Variants in TSPAN10 observed in about 807,000 individuals in gnomAD.
The protein encoded by TSPAN10 is tetraspanin-10.
A neutral mutation model predicts 15.0 loss-of-function variants in TSPAN10; 11 were observed. The ratio of observed to expected loss-of-function variants is 0.73; its 90% CI spans 0.46 to 1.21. TSPAN10 has a LOEUF of 1.21. Ranked by LOEUF, TSPAN10 falls within the 50% of genes most tolerant of loss-of-function variation. The pLI is 0.00. For missense variants in TSPAN10, 486 were observed against 470.6 expected (o/e 1.03, Z -0.30); for synonymous variants, 241 against 226.2 (o/e 1.07, Z -0.59).
chr17:81,645,544 C>A, exon 2 of TSPAN10: 1 of 1,607,736 alleles, frequency 6.2e-7, no homozygotes, highest in Non-Finnish European at 8.5e-7. Context: ...CCAGGACGAC[C>A]CAGACCTGCG....
intron 2 of TSPAN10, 143 bp from the exon 4 acceptor site, chr17:81,647,758 G>A: frequency 1.2e-6 from 1 of 825,824 alleles, no homozygotes; most frequent in South Asian, 1.6e-5. Context: ...AGGTGTGTGC[G>A]AATAGGAGGG....
chr17:81,648,259 G>T, exon 3 of TSPAN10: 1 of 1,215,950 alleles, frequency 8.2e-7, no homozygotes, highest in South Asian at 4.1e-5. Flanking sequence ...CCCCAGCCCC[G>T]GCGCCCCGCC....
chr17:81,637,247 A>T (rs969772186), exon 1 of TSPAN10: 3 of 500,202 alleles, frequency 6.0e-6, no homozygotes, highest in Non-Finnish European at 1.1e-5. Flanking sequence ...GTTGCGTCTG[A>T]GATTACTTCT....
At chr17:81,644,875 C>T in intron 1 of TSPAN10, 117 bp from the exon 3 acceptor site, 22 of 1,427,852 alleles carry the variant, frequency 1.5e-5, no homozygotes, top group Non-Finnish European at 2.0e-5. Flanking sequence ...TGCCCTCCGC[C>T]ATCCGGCATC....
At chr17:81,644,233 G>A (rs1410899706) in intron 1 of TSPAN10, among the ~76,000 whole-genome samples, 1 of 152,134 alleles carries the variant, frequency 6.6e-6, no homozygotes, top group Non-Finnish European at 1.5e-5. Flanking sequence ...CCCCCACAGA[G>A]AGAGACCAGC....
exon 2 of TSPAN10, chr17:81,645,247 G>C: frequency 6.5e-7 from 1 of 1,534,142 alleles, no homozygotes; most frequent in Non-Finnish European, 8.7e-7. Context: ...CCTGGCCATC[G>C]GGCTCTGGGG....
exon 1 of TSPAN10, chr17:81,637,328 AC>A (rs2036114796): frequency 1.5e-6 from 1 of 663,676 alleles, no homozygotes; most frequent in Non-Finnish European, 2.7e-6. Context: ...CCGAAGTCTC[AC>A]CCAAAAATAA....
upstream of TSPAN10, chr17:81,637,736 C>T (rs1402960863): frequency 5.2e-6 from 1 of 190,598 alleles, no homozygotes; most frequent in Non-Finnish European, 1.1e-5. Flanking sequence ...GAGTTCAAGA[C>T]CAGCCTGACC....
chr17:81,645,766 TG>T, intron 2 of TSPAN10, 137 bp downstream of exon 3: 1 of 1,120,268 alleles, frequency 8.9e-7, no homozygotes, highest in South Asian at 1.3e-5. Flanking sequence ...TATACCCACA[TG>T]TACACGCATA....
rs376441387 is a variant in TSPAN10 at position 81,643,294 on chromosome 17, G to A, written c.36+846G>A. ...ATTACAGGCATGAGCCACCGTGCCC[G>A]GCCTACAAAAAATAATTTTAAAAAA... On this transcript the variant is annotated intron_variant, in intron 1 of 2. Transcript: ENST00000611590. 2.0e-4 allele frequency among the ~76,000 whole-genome samples: 29 copies of A among 147,016 alleles called. No homozygotes were observed. In the East Asian group the frequency reaches 2.2e-3, roughly 11 times the overall value.
intron 1 of TSPAN10, among the ~76,000 whole-genome samples, chr17:81,643,199 C>T (rs964475729): frequency 4.0e-5 from 6 of 150,340 alleles, no homozygotes; most frequent in Non-Finnish European, 7.4e-5. Context: ...AGGGTTTTAC[C>T]ATGTTGGCTA....
exon 2 of TSPAN10, chr17:81,645,302 T>G (rs2036231357): frequency 1.3e-6 from 2 of 1,540,650 alleles, no homozygotes; most frequent in African/African-American, 1.4e-5. Context: ...GGGGGGCCCC[T>G]GCCCGCAGAC....
At chr17:81,648,092 C>T (rs1169339273) in exon 3 of TSPAN10, 2 of 1,585,522 alleles carry the variant, frequency 1.3e-6, no homozygotes, top group South Asian at 1.1e-5. Flanking sequence ...TGGCTGCGCG[C>T]GAACCTGGCT....
chr17:81,645,500 T>C lies in TSPAN10; in HGVS notation c.545T>C (p.Leu182Pro), dbSNP rs1598711327. The change falls in exon 2 of 3, where the codon CTG becomes CCG. Residue 182 changes from leucine (L) to proline (P), a missense_variant. Coordinates refer to ENST00000611590, the Ensembl canonical transcript of TSPAN10. The stretch of plus-strand genomic sequence containing the variant: ...CTCTGGGGCCCGCTGCAAGACAGCC[T>C]GGAGCACACCCTGCGTGTGGCCATC... The C allele has an allele frequency of 5.0e-6, 8 of 1,585,084 alleles. No individual in the cohort carries two copies. Among genetic ancestry groups the C allele is most frequent in the Non-Finnish European group, 6.9e-6 (8 of 1,167,466 alleles).
chr17:81,648,558 C>T, downstream of TSPAN10: 1 of 288,034 alleles, frequency 3.5e-6, no homozygotes. Context: ...ACCCTCACCT[C>T]CGAGCCCCCA....
chr17:81,647,572 G>A, intron 2 of TSPAN10: 3 of 589,690 alleles, frequency 5.1e-6, no homozygotes, highest in South Asian at 4.6e-5. Flanking sequence ...AATGAGCTCA[G>A]CAGCCTCTGC....
chr17:81,647,904 C>G lies in TSPAN10; in HGVS notation c.678C>G (p.Tyr226Ter). 1 of 1,375,736 alleles carries G rather than the reference C, an allele frequency of 7.3e-7. No individual in the cohort carries two copies. The allele number at this position is 1,375,736 out of a possible 1,614,324, so 85.2% of individuals were successfully genotyped here. A position where few individuals can be genotyped will look rare whatever the true frequency, so the allele number is the denominator to read the frequency against. ...GACGATTCCATGCGCCTTGCAGGTA[C>G]TTTAACTGCAGCTCCCCCGGGGTGC... is the stretch of plus-strand genomic sequence containing the variant. The change falls in exon 3 of 3, where the codon TAC (tyrosine) becomes TAG (stop). Residue 226 changes from tyrosine to a stop codon, truncating the protein, a stop_gained. Coordinates refer to ENST00000611590, the Ensembl canonical transcript of TSPAN10. LOFTEE classifies it low-confidence loss of function (END_TRUNC).
At chr17:81,645,318 G>A in exon 2 of TSPAN10, 1 of 1,553,108 alleles carries the variant, frequency 6.4e-7, no homozygotes, top group Non-Finnish European at 8.7e-7. Flanking sequence ...CAGACCCCAT[G>A]CTGGGGCTGG....
chr17:81,647,901 G>T (rs1486095010), exon 3 of TSPAN10: 1 of 1,456,466 alleles, frequency 6.9e-7, no homozygotes, highest in African/African-American at 1.4e-5. Context: ...CGCCTTGCAG[G>T]TACTTTAACT....
Sources: allele counts gnomAD v4.1 joint callset (sites outside exome capture counted in the v4.1 genomes callset), GRCh38; gene constraint gnomAD v4.1.1; transcripts MANE v1.5; gene names NCBI Gene and HGNC (gene_info 2026-07-23, HGNC 2026-07-21).